Variants in KDM5A observed in about 807,000 individuals in gnomAD.
The protein encoded by KDM5A is lysine demethylase 5A.
A neutral mutation model predicts 193.5 loss-of-function variants in KDM5A; 42 were observed. The observed-to-expected ratio is 0.22, with a 90% CI of 0.17 to 0.28. The LOEUF (loss-of-function observed/expected upper bound fraction) is 0.28, where lower values mean the gene tolerates loss of function less well. Among genes scored for constraint, KDM5A ranks in the 10% least tolerant of loss-of-function variants. The probability of loss-of-function intolerance (pLI) is 1.00; values close to 1 mark genes in which losing one functional copy is unlikely to be tolerated. For missense variants in KDM5A, 1,692 were observed against 2,055.1 expected (o/e 0.82, Z 3.42); for synonymous variants, 796 against 718.1 (o/e 1.11, Z -1.73).
intron 3 of KDM5A, among the ~76,000 whole-genome samples, chr12:383,559 A>ACACAGAACATTGTACACTCAG (rs1354461466): frequency 1.3e-5 from 2 of 152,116 alleles, no homozygotes; most frequent in Non-Finnish European, 2.9e-5. Context: ...GACAAGCTCA[A>ACACAGAACATTGTACACTCAG]CACAGAACAT....
At position 282,317 on chromosome 12, in the gene KDM5A, T is replaced by G. The variant is rs1034415927; in HGVS notation, c.*3139A>C. On this transcript the variant is annotated 3_prime_UTR_variant, in exon 28 of 28. Transcript: ENST00000399788. Reference sequence around the variant, plus strand: ...GCTGCCATGTTTTTTATTATTAAAGTACATTATGGGTAATCACAGGTTTAA... The same window carrying G: ...GCTGCCATGTTTTTTATTATTAAAGGACATTATGGGTAATCACAGGTTTAA... 1 of 233,466 alleles carries G rather than the reference T, an allele frequency of 4.3e-6. No homozygotes were observed. Among genetic ancestry groups the G allele is most frequent in the African/African-American group, 2.2e-5 (1 of 45,364 alleles). 14.5% of individuals were successfully genotyped at this position (233,466 alleles called of 1,614,324 possible). A position where few individuals can be genotyped will look rare whatever the true frequency, so the allele number is the denominator to read the frequency against.
At chr12:384,959 G>A (rs1731342587) in intron 2 of KDM5A, among the ~76,000 whole-genome samples, 1 of 152,182 alleles carries the variant, frequency 6.6e-6, no homozygotes, top group African/African-American at 2.4e-5. Flanking sequence ...GGAGGCCAAG[G>A]CGGGCAGATC....
chr12:312,904 C>T (rs1943606397), intron 20 of KDM5A, 152 bp downstream of exon 20: 5 of 905,404 alleles, frequency 5.5e-6, no homozygotes, highest in Middle Eastern at 3.2e-4. Flanking sequence ...ATATCACTTT[C>T]GCACCATCAT....
In KDM5A at chr12:313,087, C is replaced by T. The variant is rs374400044; in HGVS notation, c.3005G>A (p.Arg1002Gln). 2.3e-5 allele frequency: 37 copies of T among 1,614,004 alleles called. No individual in the cohort carries two copies. Among genetic ancestry groups the T allele is most frequent in the African/African-American group, 4.0e-5 (3 of 74,918 alleles). The change falls in exon 20 of 28, where the codon CGA becomes CAA. Residue 1002 changes from arginine to glutamine, a missense_variant. Arg to Gln is a conservative substitution (Grantham distance 43). Coordinates refer to ENST00000399788, the MANE Select transcript of KDM5A (RefSeq NM_001042603.3). ...AGCTTCCACTTTAGCGGTCCATTCTCGAGCCTTTTGTAAGGCTTCTTTCAA... is the reference window on the plus strand; with the variant it reads ...AGCTTCCACTTTAGCGGTCCATTCTTGAGCCTTTTGTAAGGCTTCTTTCAA... ...LSLKEALQKA[R>Q]EWTAKVEAIQ...
At position 283,302 on chromosome 12, in the gene KDM5A, G is replaced by A. The variant is rs747228683; in HGVS notation, c.*2154C>T. The A allele has an allele frequency of 3.5e-4, 82 of 231,514 alleles. No individual in the cohort carries two copies. Among genetic ancestry groups the A allele is most frequent in the Non-Finnish European group, 5.5e-4 (64 of 116,802 alleles). 14.3% of individuals were successfully genotyped at this position (231,514 alleles called of 1,614,324 possible). ...CAGAGGAAATTCTTAATTGATAATCGTTAGCTTGGCAAAACGAAAACTTAT... is the reference window on the plus strand; with the variant it reads ...CAGAGGAAATTCTTAATTGATAATCATTAGCTTGGCAAAACGAAAACTTAT... On this transcript the variant is annotated 3_prime_UTR_variant, in exon 28 of 28. Transcript: ENST00000399788.
chr12:323,868 C>G, intron 14 of KDM5A, 87 bp from the exon 15 acceptor site: 1 of 1,024,522 alleles, frequency 9.8e-7, no homozygotes, highest in Non-Finnish European at 1.5e-6. Flanking sequence ...TTTCTATAGA[C>G]AAATCTCTGA....
At chr12:319,182 A>AG (rs2137405189) in intron 18 of KDM5A, among the ~76,000 whole-genome samples, 1 of 152,294 alleles carries the variant, frequency 6.6e-6, no homozygotes, top group Non-Finnish European at 1.5e-5. Context: ...TTTTTACCAT[A>AG]GGGAAGTGAT....
chr12:355,328 T>C lies in KDM5A; in HGVS notation c.779-79A>G, dbSNP rs1457131870. On this transcript the variant is annotated intron_variant, in intron 6 of 27. Transcript: ENST00000399788. Reference sequence around the variant, plus strand: ...ATGGACCAGACACTATTTAAAATTATTTAAATTAGTTAAAATCTTACAACT... The same window carrying C: ...ATGGACCAGACACTATTTAAAATTACTTAAATTAGTTAAAATCTTACAACT... The C allele has an allele frequency of 8.7e-6, 7 of 808,536 alleles. No homozygotes were observed. The East Asian group carries it at 1.5e-4, about 18-fold the overall frequency. 50.1% of individuals were successfully genotyped at this position (808,536 alleles called of 1,614,324 possible). A position where few individuals can be genotyped will look rare whatever the true frequency, so the allele number is the denominator to read the frequency against.
At chr12:302,192 CA>C (rs1435621754) in intron 24 of KDM5A, among the ~76,000 whole-genome samples, 2 of 152,034 alleles carry the variant, frequency 1.3e-5, no homozygotes, top group Admixed American at 6.6e-5. Flanking sequence ...CATATGGAAC[CA>C]AAAAAGAGCC....
chr12:291,468 T>C (rs1339182145), intron 27 of KDM5A, among the ~76,000 whole-genome samples: 1 of 152,216 alleles, frequency 6.6e-6, no homozygotes, highest in African/African-American at 2.4e-5. Flanking sequence ...ACTAACTAGC[T>C]CTGTAACTTT....
At chr12:300,038 A>C (rs1328312869) in intron 24 of KDM5A, among the ~76,000 whole-genome samples, 1 of 151,790 alleles carries the variant, frequency 6.6e-6, no homozygotes, top group African/African-American at 2.4e-5. Flanking sequence ...TTCATAAAGC[A>C]AGTTCTTAGA....
At position 295,831 on chromosome 12, in the gene KDM5A, T is replaced by A. The variant is rs971615588; in HGVS notation, c.4235-38A>T. The A allele has an allele frequency of 2.5e-6, 4 of 1,571,520 alleles. No homozygotes were observed. The African/African-American group carries it at 4.1e-5, about 16-fold the overall frequency. On this transcript the variant is annotated intron_variant, in intron 25 of 27. Coordinates refer to ENST00000399788, the MANE Select transcript of KDM5A (RefSeq NM_001042603.3). ...ATACCATAAAACAAAGCAAAAAAAA[T>A]TAAAACTATGGAAAAAACATGTTTT...
intron 2 of KDM5A, among the ~76,000 whole-genome samples, chr12:384,928 G>A (rs1305090802): frequency 6.6e-6 from 1 of 152,130 alleles, no homozygotes; most frequent in African/African-American, 2.4e-5. Context: ...GGTAGCTCAC[G>A]CCTGTAATCC....
At chr12:293,270 C>A in intron 26 of KDM5A, 101 bp from the exon 27 acceptor site, 1 of 1,031,520 alleles carries the variant, frequency 9.7e-7, no homozygotes, top group Non-Finnish European at 1.4e-6. Context: ...TTCGGAGAGA[C>A]AGAAAGTCGA....
chr12:288,102 CT>C (rs1943243391), intron 27 of KDM5A, among the ~76,000 whole-genome samples: 1 of 152,112 alleles, frequency 6.6e-6, no homozygotes, highest in Admixed American at 6.6e-5. Context: ...TTACCAATAT[CT>C]TTTTTATCAT....
intron 10 of KDM5A, among the ~76,000 whole-genome samples, chr12:344,782 G>C (rs1420885467): frequency 1.3e-5 from 2 of 151,326 alleles, no homozygotes; most frequent in Non-Finnish European, 2.9e-5. Context: ...AACATGGAAG[G>C]GAACAACTGG....
chr12:297,328 T>C, intron 24 of KDM5A, 128 bp from the exon 25 acceptor site: 2 of 802,834 alleles, frequency 2.5e-6, no homozygotes, highest in South Asian at 1.6e-5. Context: ...AAATTAAATA[T>C]CTGATGTTAA....
At chr12:290,879 A>G (rs1943284249) in intron 27 of KDM5A, among the ~76,000 whole-genome samples, 2 of 152,326 alleles carry the variant, frequency 1.3e-5, no homozygotes, top group South Asian at 4.1e-4. Flanking sequence ...AGATGTAAAC[A>G]TTATAGAAAG....
chr12:292,632 A>C, intron 27 of KDM5A, 127 bp downstream of exon 27: 1 of 1,167,618 alleles, frequency 8.6e-7, no homozygotes, highest in Non-Finnish European at 1.3e-6. Flanking sequence ...GAAATTGTAC[A>C]AAAGACATTA....
Sources: allele counts gnomAD v4.1 joint callset (sites outside exome capture counted in the v4.1 genomes callset), GRCh38; gene constraint gnomAD v4.1.1; transcripts MANE v1.5; gene names NCBI Gene and HGNC (gene_info 2026-07-23, HGNC 2026-07-21).